The following SHKBP1 variants were observed in gnomAD, a reference collection of about 807,000 sequenced individuals.
SHKBP1 encodes the protein SH3KBP1 binding protein 1, also known as SH3KBP1-binding protein 1.
A neutral mutation model predicts 83.9 loss-of-function variants in SHKBP1; 71 were observed. That is an observed-to-expected ratio of 0.85 (90% CI 0.70 to 1.03). The LOEUF (loss-of-function observed/expected upper bound fraction) is 1.03, where lower values mean the gene tolerates loss of function less well. Ranked by LOEUF, SHKBP1 falls within the 50% of genes least tolerant of loss-of-function variation. SHKBP1 has a pLI of 0.00. For synonymous variants in SHKBP1, 371 were observed against 398.0 expected, an observed-to-expected ratio of 0.93 and a Z score of 0.81; for missense variants, 824 against 982.4, an observed-to-expected ratio of 0.84 and a Z score of 2.16.
Position 40,590,277 on chromosome 19 carries a change from C to G in SHKBP1, c.1623C>G (p.Pro541=). ...CCGTGCGCTCCGTGGACGGCTCACC[C>G]ACGACAGCCTTCACAGTGCTGGAGT... is the stretch of plus-strand genomic sequence containing the variant. The part of the protein sequence containing the change: ...VCSVRSVDGS[P]TTAFTVLECE... Residue 541 remains proline (P), a synonymous_variant, in exon 16 of 18, where the codon CCC becomes CCG. Transcript: ENST00000291842. The surrounding 1 kb of genome is among the most constrained non-coding windows in gnomAD (Gnocchi z 4.6). The G allele has an allele frequency of 6.2e-7, 1 of 1,605,374 alleles. No homozygotes were observed. Among genetic ancestry groups the G allele is most frequent in the Non-Finnish European group, 8.5e-7 (1 of 1,176,808 alleles).
chr19:40,577,143 G>T, intron 1 of SHKBP1, 88 bp from the exon 2 acceptor site: 1 of 1,533,042 alleles, frequency 6.5e-7, no homozygotes, highest in South Asian at 1.1e-5. Context: ...GAGGGGGAAG[G>T]GGAGGGAACC....
At chr19:40,582,779 G>C (rs950765516) in intron 10 of SHKBP1, among the ~76,000 whole-genome samples, 1 of 152,082 alleles carries the variant, frequency 6.6e-6, no homozygotes, top group Non-Finnish European at 1.5e-5. Context: ...GGCTTGGCTC[G>C]GTGGCTCACA....
At chr19:40,577,352 A>T (rs778789002) in intron 2 of SHKBP1, 44 bp from the exon 3 acceptor site, 1 of 1,609,104 alleles carries the variant, frequency 6.2e-7, no homozygotes, top group East Asian at 2.2e-5. Flanking sequence ...CCTAATATCC[A>T]CTCCCCCGGC....
Position 40,580,824 on chromosome 19 carries a change from A to G in SHKBP1, c.732A>G (p.Thr244=). 1 of 1,613,392 alleles carries G rather than the reference A, an allele frequency of 6.2e-7. No individual in the cohort carries two copies. The part of the protein sequence containing the change: ...LDWPIERLAL[T]ARVHGGALGE... ...GGCCCATCGAACGACTGGCGCTCAC[A>G]GCCCGGGTGCATGGTGGGGCTTTGG... The change falls in exon 9 of 18, where the codon ACA becomes ACG. Residue 244 remains threonine, a synonymous_variant. Coordinates refer to ENST00000291842, the MANE Select transcript of SHKBP1 (RefSeq NM_138392.4).
intron 12 of SHKBP1, among the ~76,000 whole-genome samples, chr19:40,586,163 C>T (rs1478348102): frequency 6.6e-6 from 1 of 152,086 alleles, no homozygotes; most frequent in African/African-American, 2.4e-5. Context: ...CCTGCCTCGG[C>T]CTCTGTTCTC....
In SHKBP1 at chr19:40,580,656, G is replaced by A; in HGVS notation, c.653G>A (p.Arg218Lys). 1 of 1,614,172 alleles carries A rather than the reference G, an allele frequency of 6.2e-7. No individual in the cohort carries two copies. The highest frequency in any genetic ancestry group is 8.5e-7 in the Non-Finnish European group (1 of 1,180,032). ...VAYTQFLVCY[R>K]LKEASGWQLV... ...TATACCCAGTTTCTAGTCTGCTACA[G>A]GTGCTTGGGGAGGGAGTGGCAGGAG... Residue 218 changes from arginine to lysine, a missense_variant and splice_region_variant, in exon 8 of 18, where the codon AGG becomes AAG. Physicochemically the swap from Arg to Lys is conservative, Grantham distance 26. Around this residue, in one of 3 missense-constraint regions of SHKBP1, gnomAD observed 355 missense variants for 386.4 expected, o/e 0.92. Coordinates refer to ENST00000291842, the MANE Select transcript of SHKBP1 (RefSeq NM_138392.4).
At chr19:40,577,111 A>G in intron 1 of SHKBP1, 120 bp from the exon 2 acceptor site, 2 of 1,309,386 alleles carry the variant, frequency 1.5e-6, no homozygotes, top group Non-Finnish European at 1.1e-6. Flanking sequence ...TGGAGGCGCG[A>G]GATTCTGGAA....
rs772748423 is a variant in SHKBP1 at position 40,580,844 on chromosome 19, C to T, written c.752C>T (p.Ala251Val). 5.0e-6 allele frequency: 8 copies of T among 1,613,472 alleles called. No individual in the cohort carries two copies. Among genetic ancestry groups the T allele is most frequent in the African/African-American group, 1.3e-5 (1 of 74,890 alleles). Residue 251 changes from alanine (A) to valine (V), a missense_variant, in exon 9 of 18, where the codon GCT becomes GTT. Coordinates refer to ENST00000291842, the MANE Select transcript of SHKBP1 (RefSeq NM_138392.4). ...CTCACAGCCCGGGTGCATGGTGGGG[C>T]TTTGGGTGAACATGACAAGATGGTG... ...LALTARVHGG[A>V]LGEHDKMVAA... is the part of the protein sequence containing the mutation.
chr19:40,588,036 C>T (rs1303055905), intron 13 of SHKBP1, among the ~76,000 whole-genome samples: 2 of 152,142 alleles, frequency 1.3e-5, no homozygotes, highest in East Asian at 1.9e-4. Flanking sequence ...TGAGGAAGGA[C>T]CTTTGAGCAG....
At chr19:40,577,525 C>CT (rs2081227392) in intron 3 of SHKBP1, 32 bp from the exon 4 acceptor site, 1 of 1,613,906 alleles carries the variant, frequency 6.2e-7, no homozygotes, top group Non-Finnish European at 8.5e-7. Flanking sequence ...CTGCCTTTTA[C>CT]CCCATCCATC....
intron 14 of SHKBP1, 114 bp from the exon 15 acceptor site, chr19:40,588,968 A>T (rs898453211): frequency 7.6e-7 from 1 of 1,318,258 alleles, no homozygotes; most frequent in South Asian, 1.3e-5. Context: ...GCCCAACTCT[A>T]ACAACCTGGG....
Position 40,582,751 on chromosome 19 carries a change from C to CT in SHKBP1, c.960+286dup, listed in dbSNP as rs879323009. ...GTGAGAGAGCAGGTTAGGGGGGATG[C>CT]TGTAGAAGACAAGAACTGGCTTGGC... On this transcript the variant is annotated intron_variant, in intron 10 of 17. Transcript: ENST00000291842. 2.7e-3 allele frequency among the ~76,000 whole-genome samples: 411 copies of CT among 151,874 alleles called. 2 individuals are homozygous for CT. The highest frequency in any genetic ancestry group is 4.1e-3 in the Admixed American group (62 of 15,224).
intron 8 of SHKBP1, 39 bp from the exon 9 acceptor site, chr19:40,580,707 C>T (rs1160227084): frequency 1.2e-6 from 2 of 1,613,854 alleles, no homozygotes; most frequent in Admixed American, 3.3e-5. Flanking sequence ...ATGGGAAGGG[C>T]ATGCGGTGAG....
rs373689117 is a variant in SHKBP1 at position 40,580,347 on chromosome 19, C to T, written c.424C>T (p.Arg142Trp). The part of the protein sequence containing the change: ...PPVFPVKRRN[R>W]HSLVGPQQLG... ...AGTGTTCCCAGTGAAGCGGCGGAAC[C>T]GGCACAGCCTAGTGGGGCCTCAGCA... is the stretch of plus-strand genomic sequence containing the variant. Residue 142 changes from arginine (R) to tryptophan (W), a missense_variant, in exon 7 of 18, where the codon CGG (arginine) becomes TGG (tryptophan). Arg to Trp is a moderately radical substitution (Grantham distance 101, BLOSUM62 -3). Transcript: ENST00000291842. 1.3e-5 allele frequency: 21 copies of T among 1,613,944 alleles called. No individual in the cohort carries two copies. Among genetic ancestry groups the T allele is most frequent in the East Asian group, 8.9e-5 (4 of 44,886 alleles).
chr19:40,581,036 T>G, intron 9 of SHKBP1, 100 bp downstream of exon 9: 4 of 1,138,418 alleles, frequency 3.5e-6, no homozygotes, highest in Non-Finnish European at 4.9e-6. Flanking sequence ...AAGAATTCTC[T>G]GCTCTATTAG....
chr19:40,591,191 A>G lies in SHKBP1; in HGVS notation c.2108A>G (p.Asn703Ser), dbSNP rs756919411. The G allele has an allele frequency of 1.9e-6, 3 of 1,586,384 alleles. No homozygotes were observed. The highest frequency in any genetic ancestry group is 4.5e-5 in the East Asian group (2 of 43,990). ...CTCACACCTCCCAAGATGAAGCTCA[A>G]TGAAACTTCCTTTTGAACAACGCAG... ...TPLTPPKMKL[N>S]ETSF The change falls in exon 18 of 18, where the codon AAT becomes AGT. Residue 703 changes from asparagine (N) to serine (S), a missense_variant. Around this residue, in one of 3 missense-constraint regions of SHKBP1, gnomAD observed 287 missense variants for 322.9 expected, o/e 0.89. Coordinates refer to ENST00000291842, the MANE Select transcript of SHKBP1 (RefSeq NM_138392.4).
chr19:40,585,139 C>T (rs1484531169), intron 12 of SHKBP1, among the ~76,000 whole-genome samples: 1 of 152,148 alleles, frequency 6.6e-6, no homozygotes, highest in Non-Finnish European at 1.5e-5. Context: ...CAGGGTCTTG[C>T]TCTGTTGCCC....
At chr19:40,583,262 C>T in intron 10 of SHKBP1, 136 bp from the exon 11 acceptor site, 1 of 650,604 alleles carries the variant, frequency 1.5e-6, no homozygotes, top group Non-Finnish European at 2.7e-6. Context: ...CAAAGGCAGG[C>T]CTGGGGTGGA....
At chr19:40,584,939 A>AT (rs2081299449) in intron 12 of SHKBP1, among the ~76,000 whole-genome samples, 1 of 152,052 alleles carries the variant, frequency 6.6e-6, no homozygotes, top group South Asian at 2.1e-4. Flanking sequence ...CACTTAGCAT[A>AT]TTTTTTTAAA....
Sources: gnomAD v4.1 joint callset for allele counts (sites outside exome capture counted in the v4.1 genomes callset) on GRCh38, gnomAD v4.1.1 for gene constraint, gnomAD v4.1.1 regional missense constraint, Gnocchi (gnomAD v3.1) non-coding constraint, MANE v1.5 for transcripts, NCBI Gene and HGNC (gene_info 2026-07-23, HGNC 2026-07-21) for gene names.